BLMH: variants seen among roughly 807,000 people sequenced by gnomAD.
BLMH encodes bleomycin hydrolase, also known as BLM hydrolase.
In BLMH, 32 loss-of-function variants were observed where a neutral mutation model predicts 61.6. The observed-to-expected ratio is 0.52, with a 90% CI of 0.39 to 0.70. The LOEUF (loss-of-function observed/expected upper bound fraction) is 0.70. Ranked by LOEUF, BLMH falls within the 30% of genes least tolerant of loss-of-function variation. BLMH has a pLI of 0.00. For missense variants in BLMH, 460 were observed against 555.5 expected, an observed-to-expected ratio of 0.83 and a Z score of 1.73; for synonymous variants, 183 against 193.8, an observed-to-expected ratio of 0.94 and a Z score of 0.46.
At chr17:30,250,492 A>G (rs553504601) in intron 11 of BLMH, among the ~76,000 whole-genome samples, 2 of 152,350 alleles carry the variant, frequency 1.3e-5, no homozygotes, top group East Asian at 1.9e-4. Flanking sequence ...AAAATGCTCA[A>G]CATCACTAAT....
At chr17:30,275,396 C>T (rs1187026964) in intron 6 of BLMH, among the ~76,000 whole-genome samples, 1 of 152,160 alleles carries the variant, frequency 6.6e-6, no homozygotes, top group Non-Finnish European at 1.5e-5. Context: ...CACAGTGGCT[C>T]ACGCCTGTAA....
chr17:30,273,874 C>T (rs1908346885), intron 7 of BLMH, 168 bp downstream of exon 7: 4 of 790,632 alleles, frequency 5.1e-6, no homozygotes, highest in Non-Finnish European at 8.0e-6. Flanking sequence ...ATCCTGGCAC[C>T]ACCAACTTCA....
At chr17:30,280,163 G>A (rs147482133) in intron 6 of BLMH, among the ~76,000 whole-genome samples, 54 of 152,290 alleles carry the variant, frequency 3.5e-4, no homozygotes, top group African/African-American at 9.9e-4. Flanking sequence ...CAAACTGCTT[G>A]AAAGAGAGCA....
chr17:30,255,636 T>G (rs765538129), intron 11 of BLMH, among the ~76,000 whole-genome samples: 1 of 152,140 alleles, frequency 6.6e-6, no homozygotes, highest in Admixed American at 6.5e-5. Context: ...CGGTGGCTCA[T>G]GCCTGTAATC....
At chr17:30,257,577 CAATGT>C (rs1907850564) in intron 11 of BLMH, among the ~76,000 whole-genome samples, 1 of 152,102 alleles carries the variant, frequency 6.6e-6, no homozygotes, top group African/African-American at 2.4e-5. Flanking sequence ...GATTTTGGAA[CAATGT>C]AATTTCATTA....
intron 10 of BLMH, among the ~76,000 whole-genome samples, chr17:30,270,176 T>C (rs1908228267): frequency 6.6e-6 from 1 of 152,210 alleles, no homozygotes; most frequent in African/African-American, 2.4e-5. Flanking sequence ...ATAAATCTAG[T>C]GGATAGGATA....
At chr17:30,269,475 C>G (rs1296975584) in intron 10 of BLMH, among the ~76,000 whole-genome samples, 1 of 152,026 alleles carries the variant, frequency 6.6e-6, no homozygotes, top group Non-Finnish European at 1.5e-5. Flanking sequence ...GTCACTGCAC[C>G]CGGTCTAAAA....
At chr17:30,281,723 G>C (rs1331331254) in intron 6 of BLMH, among the ~76,000 whole-genome samples, 1 of 152,140 alleles carries the variant, frequency 6.6e-6, no homozygotes, top group Non-Finnish European at 1.5e-5. Context: ...CTGGAGTGCA[G>C]TGGTGACAAT....
chr17:30,271,385 A>G lies in BLMH; in HGVS notation c.1032T>C (p.Tyr344=). The change falls in exon 10 of 12, where the codon TAT becomes TAC. Residue 344 remains tyrosine, a synonymous_variant. Coordinates refer to ENST00000261714, the MANE Select transcript of BLMH (RefSeq NM_000386.4). ...SKLGLSDMNL[Y]DHELVFGVSL... is the part of the protein sequence containing the mutation. ...AGACACCAAACACTAACTCATGGTC[A>G]TAGCTGTAAAAAGAATGATAGTACA... The G allele has an allele frequency of 1.2e-6, 2 of 1,611,122 alleles. No individual in the cohort carries two copies. The highest frequency in any genetic ancestry group is 1.7e-6 in the Non-Finnish European group (2 of 1,177,286).
At chr17:30,264,022 G>A (rs148144515) in intron 11 of BLMH, among the ~76,000 whole-genome samples, 2,998 of 152,292 alleles carry the variant, frequency 0.02, 44 homozygotes, top group Middle Eastern at 0.037. Context: ...AGGCCCTGCT[G>A]GGATAAACAC....
intron 3 of BLMH, among the ~76,000 whole-genome samples, chr17:30,288,863 A>G: frequency 6.6e-6 from 1 of 152,124 alleles, no homozygotes; most frequent in East Asian, 1.9e-4. Context: ...GCTACTTGGG[A>G]GGCTGAGTTG....
At chr17:30,266,523 C>CAAAAAAAAAAAA (rs770078465) in intron 11 of BLMH, among the ~76,000 whole-genome samples, 2 of 53,084 alleles carry the variant, frequency 3.8e-5, no homozygotes, top group African/African-American at 5.7e-5. Flanking sequence ...AGACTCTGTC[C>CAAAAAAAAAAAA]AAAAAAAAAA....
At chr17:30,287,704 C>A in intron 4 of BLMH, 102 bp downstream of exon 4, 2 of 1,345,464 alleles carry the variant, frequency 1.5e-6, no homozygotes, top group South Asian at 1.5e-5. Context: ...TCTTGGAGAC[C>A]AATTCTACTC....
At chr17:30,282,181 C>T (rs2143031958) in intron 6 of BLMH, among the ~76,000 whole-genome samples, 1 of 151,872 alleles carries the variant, frequency 6.6e-6, no homozygotes, top group African/African-American at 2.4e-5. Context: ...CAAGTGTTAC[C>T]ACCATGCCTG....
chr17:30,254,853 T>G (rs1161573997), intron 11 of BLMH, among the ~76,000 whole-genome samples: 1 of 152,226 alleles, frequency 6.6e-6, no homozygotes, highest in African/African-American at 2.4e-5. Flanking sequence ...AGTTTCTGCA[T>G]GTACTAGACC....
At chr17:30,253,624 G>A (rs1423698011) in intron 11 of BLMH, among the ~76,000 whole-genome samples, 5 of 152,136 alleles carry the variant, frequency 3.3e-5, no homozygotes, top group African/African-American at 7.2e-5. Flanking sequence ...GCGGGAAGGT[G>A]CAGCTCCTAA....
At chr17:30,290,710 T>C (rs1370271924) in intron 2 of BLMH, among the ~76,000 whole-genome samples, 1 of 152,186 alleles carries the variant, frequency 6.6e-6, no homozygotes, top group Non-Finnish European at 1.5e-5. Context: ...TCACTATACC[T>C]GTTTTTTCTG....
intron 7 of BLMH, 107 bp downstream of exon 7, chr17:30,273,935 G>A (rs1908348035): frequency 7.4e-7 from 1 of 1,358,898 alleles, no homozygotes; most frequent in Non-Finnish European, 1.0e-6. Flanking sequence ...TTTGTTTGCT[G>A]TCTAGTTTGA....
At position 30,261,346 on chromosome 17, in the gene BLMH, C is replaced by T. The variant is rs145023977; in HGVS notation, c.1216+5539G>A. Among the ~76,000 whole-genome samples, 3 of 152,314 alleles carry T rather than the reference C, an allele frequency of 2.0e-5. No homozygotes were observed. The East Asian group carries it at 5.8e-4, about 29-fold the overall frequency. On this transcript the variant is annotated intron_variant, in intron 11 of 11. Coordinates refer to ENST00000261714, the MANE Select transcript of BLMH (RefSeq NM_000386.4). ...TGTTCACATCCTGAGTTACTCTACT[C>T]TGATGTCATGAGGAGAAATAAATAC...
Sources: allele counts gnomAD v4.1 joint callset (sites outside exome capture counted in the v4.1 genomes callset), GRCh38; gene constraint gnomAD v4.1.1; transcripts MANE v1.5; gene names NCBI Gene and HGNC (gene_info 2026-07-23, HGNC 2026-07-21).